The following NIPSNAP2 variants were observed in gnomAD, a reference collection of about 807,000 sequenced individuals.
NIPSNAP2 encodes the protein nipsnap homolog 2.
NIPSNAP2 carries 42 observed loss-of-function variants against 48.4 expected under a neutral mutation model. The ratio of observed to expected loss-of-function variants is 0.87; its 90% CI spans 0.68 to 1.12. The LOEUF is 1.12. Among genes scored for constraint, NIPSNAP2 ranks in the 50% most tolerant of loss-of-function variants. The pLI, the probability that NIPSNAP2 is intolerant of heterozygous loss-of-function variation, is 0.00. For synonymous variants in NIPSNAP2, 158 were observed against 126.6 expected, an observed-to-expected ratio of 1.25 and a Z score of -1.67; for missense variants, 314 against 347.3, an observed-to-expected ratio of 0.90 and a Z score of 0.76.
intron 1 of NIPSNAP2, among the ~76,000 whole-genome samples, chr7:55,966,572 C>G (rs747229824): frequency 2.3e-4 from 35 of 152,138 alleles, no homozygotes; most frequent in Non-Finnish European, 4.6e-4. Flanking sequence ...CGCTTGAGCT[C>G]AGGAGTTCGA....
chr7:55,978,216 C>G lies in NIPSNAP2; in HGVS notation c.183C>G (p.His61Gln). ...AAGTTGATCCAAGAAAAGATGCCCA[C>G]TCCAATCTCCTAGCCAAAAAGGAAA... ...VRKVDPRKDA[H>Q]SNLLAKKETS... The change falls in exon 2 of 10, where the codon CAC becomes CAG. Residue 61 changes from histidine (H) to glutamine (Q), a missense_variant. This residue lies in a region of NIPSNAP2 where 198 missense variants were observed against 185.5 expected (regional missense o/e 1.07). Coordinates refer to ENST00000322090, the MANE Select transcript of NIPSNAP2 (RefSeq NM_001483.3). 6.2e-7 allele frequency: 1 copy of G among 1,614,198 alleles called. No individual in the cohort carries two copies. Among genetic ancestry groups the G allele is most frequent in the Non-Finnish European group, 8.5e-7 (1 of 1,180,036 alleles).
intron 8 of NIPSNAP2, among the ~76,000 whole-genome samples, chr7:55,995,393 C>T (rs569527896): frequency 2.6e-5 from 4 of 152,192 alleles, no homozygotes; most frequent in East Asian, 1.9e-4. Context: ...CCTTTGTAGA[C>T]GTGGTTCCAC....
chr7:55,976,917 T>C (rs888754211), intron 1 of NIPSNAP2, among the ~76,000 whole-genome samples: 9 of 151,936 alleles, frequency 5.9e-5, no homozygotes, highest in African/African-American at 2.2e-4. Context: ...AAAAAATCCA[T>C]GAGTAAAGTA....
intron 8 of NIPSNAP2, 102 bp from the exon 9 acceptor site, chr7:55,997,264 G>T (rs543233913): frequency 1.2e-6 from 1 of 836,292 alleles, no homozygotes; most frequent in Admixed American, 1.8e-5. Context: ...AGTAGTCCCT[G>T]AGAAAACTAG....
chr7:55,983,816 C>T lies in NIPSNAP2; in HGVS notation c.533C>T (p.Pro178Leu). 1 of 1,613,990 alleles carries T rather than the reference C, an allele frequency of 6.2e-7. No homozygotes were observed. Among genetic ancestry groups the T allele is most frequent in the Non-Finnish European group, 8.5e-7 (1 of 1,179,936 alleles). The stretch of plus-strand genomic sequence containing the variant: ...TTGGAGTTCAGTTTCTGGAATGAGC[C>T]TGTGCCAAGATCCGGACCTAATATA... ...LLLEFSFWNE[P>L]VPRSGPNIYE... The change falls in exon 6 of 10, where the codon CCT (proline) becomes CTT (leucine). Residue 178 changes from proline (P) to leucine (L), a missense_variant. Transcript: ENST00000322090.
chr7:55,987,023 G>GCC (rs1787346339), intron 7 of NIPSNAP2, among the ~76,000 whole-genome samples: 3 of 150,368 alleles, frequency 2.0e-5, no homozygotes, highest in South Asian at 4.2e-4. Context: ...TGCCAGGCGT[G>GCC]GTGGTGGCAC....
intron 7 of NIPSNAP2, among the ~76,000 whole-genome samples, chr7:55,991,379 A>G (rs1029513286): frequency 2.6e-5 from 4 of 152,126 alleles, no homozygotes; most frequent in African/African-American, 9.7e-5. Context: ...CACTAGTTCA[A>G]TTTTTGCCCA....
chr7:55,982,602 A>T (rs1184754325), intron 5 of NIPSNAP2, among the ~76,000 whole-genome samples: 2 of 151,890 alleles, frequency 1.3e-5, no homozygotes, highest in African/African-American at 4.8e-5. Flanking sequence ...ATACAAAAAA[A>T]TTAGCCGGGC....
chr7:55,978,876 G>T, intron 3 of NIPSNAP2: 2 of 154,344 alleles, frequency 1.3e-5, no homozygotes, highest in Non-Finnish European at 2.9e-5. Flanking sequence ...CTGTTCTCCA[G>T]GATCCAAGTC....
intron 1 of NIPSNAP2, among the ~76,000 whole-genome samples, chr7:55,970,954 G>A (rs545338964): frequency 3.3e-5 from 5 of 152,100 alleles, no homozygotes; most frequent in South Asian, 2.1e-4. Flanking sequence ...TGGCCACTCT[G>A]GCTGTTTACT....
chr7:55,964,665 A>T lies in NIPSNAP2; in HGVS notation c.56A>T (p.Gln19Leu). ...RGAAWAGGLL[Q>L]RAAPCSLLPR... is the part of the protein sequence containing the mutation. ...GCGGCCTGGGCCGGCGGCCTCCTGC[A>T]GCGGGCGGCCCCCTGCAGCCTCCTG... The change falls in exon 1 of 10, where the codon CAG (glutamine) becomes CTG (leucine). Residue 19 changes from glutamine to leucine, a missense_variant. Around this residue, in one of 2 missense-constraint regions of NIPSNAP2, gnomAD observed 198 missense variants for 185.5 expected, o/e 1.07. Transcript: ENST00000322090. 1 of 1,115,440 alleles carries T rather than the reference A, an allele frequency of 9.0e-7. No individual in the cohort carries two copies. The highest frequency in any genetic ancestry group is 4.9e-5 in the East Asian group (1 of 20,448). 69.1% of individuals were successfully genotyped at this position (1,115,440 alleles called of 1,614,324 possible). A position where few individuals can be genotyped will look rare whatever the true frequency, so the allele number is the denominator to read the frequency against.
At chr7:55,995,089 C>T in intron 8 of NIPSNAP2, 101 bp downstream of exon 8, 1 of 954,958 alleles carries the variant, frequency 1.0e-6, no homozygotes, top group South Asian at 1.3e-5. Flanking sequence ...TTAACCACTA[C>T]AGCAAATCCG....
At chr7:55,973,287 T>A (rs979848385) in intron 1 of NIPSNAP2, among the ~76,000 whole-genome samples, 1 of 152,154 alleles carries the variant, frequency 6.6e-6, no homozygotes, top group Non-Finnish European at 1.5e-5. Flanking sequence ...AACTTACATC[T>A]GCAAATGCCA....
At chr7:55,993,553 T>C (rs970240612) in intron 7 of NIPSNAP2, among the ~76,000 whole-genome samples, 2 of 140,958 alleles carry the variant, frequency 1.4e-5, no homozygotes, top group Non-Finnish European at 3.0e-5. Context: ...CATTCCAGCC[T>C]GGGCAACAGC....
chr7:55,991,850 C>G, intron 7 of NIPSNAP2: 1 of 264,144 alleles, frequency 3.8e-6, no homozygotes. Flanking sequence ...GTGACCACCT[C>G]GTCTGTACAG....
At chr7:55,998,519 T>TTTTTTTGTG (rs1787616504) in intron 9 of NIPSNAP2, among the ~76,000 whole-genome samples, 1 of 145,358 alleles carries the variant, frequency 6.9e-6, no homozygotes, top group African/African-American at 2.5e-5. Flanking sequence ...TTTTTTTTTT[T>TTTTTTTGTG]GAGACGGAGT....
chr7:55,990,659 A>AGG (rs991480817), intron 7 of NIPSNAP2, among the ~76,000 whole-genome samples: 42 of 152,282 alleles, frequency 2.8e-4, no homozygotes, highest in African/African-American at 9.9e-4. Context: ...TTACCCACAA[A>AGG]GGGGGAGGCC....
intron 1 of NIPSNAP2, among the ~76,000 whole-genome samples, chr7:55,969,551 T>C (rs185952419): frequency 1.3e-5 from 2 of 152,278 alleles, no homozygotes; most frequent in East Asian, 3.9e-4. Context: ...TGTGTCATCA[T>C]TGAAGAGCTT....
chr7:55,964,627 G>T lies in NIPSNAP2; in HGVS notation c.18G>T (p.Leu6=). 9.4e-7 allele frequency: 1 copy of T among 1,058,604 alleles called. No homozygotes were observed. The highest frequency in any genetic ancestry group is 4.4e-5 in the South Asian group (1 of 22,732). The allele number at this position is 1,058,604 out of a possible 1,614,324, so 65.6% of individuals were successfully genotyped here. A position where few individuals can be genotyped will look rare whatever the true frequency, so the allele number is the denominator to read the frequency against. ...CGAGCAAGATGGCGGCGCGAGTGCTGCGCGCCCGCGGAGCGGCCTGGGCCG... is the reference window on the plus strand; with the variant it reads ...CGAGCAAGATGGCGGCGCGAGTGCTTCGCGCCCGCGGAGCGGCCTGGGCCG... MAARV[L]RARGAAWAGG... Residue 6 remains leucine, a synonymous_variant, in exon 1 of 10, where the codon CTG becomes CTT. Coordinates refer to ENST00000322090, the MANE Select transcript of NIPSNAP2 (RefSeq NM_001483.3).
Sources: gnomAD v4.1 joint callset for allele counts (sites outside exome capture counted in the v4.1 genomes callset) on GRCh38, gnomAD v4.1.1 for gene constraint, gnomAD v4.1.1 regional missense constraint, MANE v1.5 for transcripts, NCBI Gene and HGNC (gene_info 2026-07-23, HGNC 2026-07-21) for gene names.